Variants in ANKH observed in about 807,000 individuals in gnomAD.
ANKH encodes the protein ANKH inorganic pyrophosphate transport regulator.
ANKH carries 15 observed loss-of-function variants against 49.0 expected under a neutral mutation model. The observed-to-expected ratio is 0.31, with a 90% CI of 0.20 to 0.47. The LOEUF (loss-of-function observed/expected upper bound fraction) is 0.47, where lower values mean the gene tolerates loss of function less well. Ranked by LOEUF, ANKH falls within the 20% of genes least tolerant of loss-of-function variation. The pLI is 1.00. For synonymous variants in ANKH, 273 were observed against 260.0 expected (o/e 1.05, Z -0.48); for missense variants, 429 against 652.0 (o/e 0.66, Z 3.72).
chr5:14,755,046 A>G (rs1738838542), intron 4 of ANKH, among the ~76,000 whole-genome samples: 1 of 146,920 alleles, frequency 6.8e-6, no homozygotes, highest in African/African-American at 2.6e-5. Flanking sequence ...ATTCGACAAG[A>G]GCGAAACTCT....
In ANKH at chr5:14,712,882, G is replaced by A. The variant is rs761349696; in HGVS notation, c.1357C>T (p.Arg453Trp). The change falls in exon 11 of 12, where the codon CGG becomes TGG. Residue 453 changes from arginine to tryptophan, a missense_variant. By Grantham distance (101) the Arg-to-Trp change is moderately radical. This residue lies in a region of ANKH where 378 missense variants were observed against 615.3 expected (regional missense o/e 0.61). Coordinates refer to ENST00000284268, the MANE Select transcript of ANKH (RefSeq NM_054027.6). Reference protein sequence around the residue: ...MVAIAACYVYRKQKKKMENES... With the variant: ...MVAIAACYVYWKQKKKMENES... The stretch of plus-strand genomic sequence containing the variant: ...CGGCGCGGCTGTCTCACCTGCTTCC[G>A]GTAGACATAGCACGCAGCGATGGCG... The A allele has an allele frequency of 2.5e-5, 41 of 1,609,410 alleles. 2 individuals carry two copies. The Middle Eastern group carries it at 3.1e-3, about 123-fold the overall frequency.
chr5:14,858,746 TAAATAAATA>T (rs1460226504), intron 1 of ANKH, among the ~76,000 whole-genome samples: 1 of 102,240 alleles, frequency 9.8e-6, no homozygotes, highest in African/African-American at 3.3e-5. Context: ...AATAAATAAA[TAAATAAATA>T]AATAAAATAA....
At chr5:14,762,112 T>C (rs1232601009) in intron 2 of ANKH, among the ~76,000 whole-genome samples, 1 of 152,106 alleles carries the variant, frequency 6.6e-6, no homozygotes, top group Non-Finnish European at 1.5e-5. Flanking sequence ...AAAGGAGCAC[T>C]CCCCAAGGCC....
rs192452652 is a variant in ANKH, at chr5:14,863,105, G to A, written c.96+8247C>T. ...CGGGCATACTGCACAGCAAGAAGAG[G>A]AAACTGAGTCCTTAGTAACCAGTTA... On this transcript the variant is annotated intron_variant, in intron 1 of 11. Coordinates refer to ENST00000284268, the MANE Select transcript of ANKH (RefSeq NM_054027.6). 1.2e-3 allele frequency among the ~76,000 whole-genome samples: 190 copies of A among 152,234 alleles called. 2 individuals carry two copies. The highest frequency in any genetic ancestry group is 4.4e-3 in the African/African-American group (182 of 41,524).
chr5:14,825,682 C>T (rs971958566), intron 1 of ANKH, among the ~76,000 whole-genome samples: 1 of 152,196 alleles, frequency 6.6e-6, no homozygotes, highest in Non-Finnish European at 1.5e-5. Context: ...TATCTTAGTG[C>T]CTTAGAGGAA....
intron 1 of ANKH, among the ~76,000 whole-genome samples, chr5:14,859,653 G>C (rs1403925690): frequency 6.6e-6 from 1 of 152,192 alleles, no homozygotes; most frequent in Non-Finnish European, 1.5e-5. Context: ...TCAGGAATCA[G>C]AACAGTGGTT....
At chr5:14,716,533 T>C (rs1377259258) in intron 9 of ANKH, among the ~76,000 whole-genome samples, 173 bp downstream of exon 9, 1 of 152,122 alleles carries the variant, frequency 6.6e-6, no homozygotes, top group Non-Finnish European at 1.5e-5. Context: ...AAAGTTATAC[T>C]GTTTGATTCA....
At chr5:14,801,555 T>G (rs1740567516) in intron 1 of ANKH, among the ~76,000 whole-genome samples, 1 of 152,242 alleles carries the variant, frequency 6.6e-6, no homozygotes, top group Non-Finnish European at 1.5e-5. Flanking sequence ...TTTGTCAATG[T>G]ATGCTAAAAA....
At chr5:14,829,047 G>A (rs1580100596) in intron 1 of ANKH, among the ~76,000 whole-genome samples, 1 of 152,202 alleles carries the variant, frequency 6.6e-6, no homozygotes, top group East Asian at 1.9e-4. Context: ...AGCCAGGCGT[G>A]GTGGTGGGCA....
intron 11 of ANKH, among the ~76,000 whole-genome samples, chr5:14,712,416 C>T (rs1737254784): frequency 1.3e-5 from 2 of 152,242 alleles, no homozygotes; most frequent in Admixed American, 6.5e-5. Flanking sequence ...GGCCCTTGCG[C>T]AAGCTCTCGG....
chr5:14,773,353 C>CTTTTTTTTTTT (rs71603741), intron 1 of ANKH, among the ~76,000 whole-genome samples: 2 of 77,016 alleles, frequency 2.6e-5, no homozygotes, highest in Non-Finnish European at 4.7e-5. Context: ...GCAAAGCATT[C>CTTTTTTTTTTT]TTTTTTTTTT....
chr5:14,712,620 A>G (rs1309161024), intron 11 of ANKH, among the ~76,000 whole-genome samples: 5 of 152,188 alleles, frequency 3.3e-5, no homozygotes, highest in African/African-American at 1.2e-4. Context: ...TCTGAAATCC[A>G]TGTCCACACC....
chr5:14,750,948 T>C, intron 5 of ANKH, 121 bp downstream of exon 5: 1 of 1,251,258 alleles, frequency 8.0e-7, no homozygotes, highest in Non-Finnish European at 1.1e-6. Context: ...GGCCTCTGGG[T>C]ATGACATCCT....
intron 2 of ANKH, among the ~76,000 whole-genome samples, chr5:14,763,572 A>C (rs959117738): frequency 6.6e-6 from 1 of 152,252 alleles, no homozygotes. Context: ...TTGAAGAGAT[A>C]CCATAAACCC....
intron 8 of ANKH, among the ~76,000 whole-genome samples, chr5:14,740,986 G>A (rs1328784868): frequency 1.3e-5 from 2 of 152,170 alleles, no homozygotes; most frequent in Admixed American, 1.3e-4. Context: ...AAGGAAAACA[G>A]AACCGAGTTC....
At chr5:14,804,326 C>T (rs1280445788) in intron 1 of ANKH, among the ~76,000 whole-genome samples, 2 of 152,224 alleles carry the variant, frequency 1.3e-5, no homozygotes, top group African/African-American at 2.4e-5. Context: ...CCTCCGTCTT[C>T]GGAGCAGCCC....
chr5:14,721,653 T>C (rs770295645), intron 8 of ANKH, among the ~76,000 whole-genome samples: 40 of 152,144 alleles, frequency 2.6e-4, no homozygotes, highest in Non-Finnish European at 4.9e-4. Context: ...TATGGTGAGC[T>C]GGGCGTGGTG....
intron 1 of ANKH, among the ~76,000 whole-genome samples, chr5:14,821,537 T>A (rs896714995): frequency 6.6e-5 from 10 of 152,260 alleles, no homozygotes; most frequent in African/African-American, 2.2e-4. Flanking sequence ...TTATGGTTTA[T>A]ACTTGCTGTA....
At chr5:14,738,470 C>T (rs567595370) in intron 8 of ANKH, among the ~76,000 whole-genome samples, 2 of 152,214 alleles carry the variant, frequency 1.3e-5, no homozygotes, top group African/African-American at 4.8e-5. Flanking sequence ...TGTGGGAAAG[C>T]GTGCTAACGT....
Sources: allele counts gnomAD v4.1 joint callset (sites outside exome capture counted in the v4.1 genomes callset), GRCh38; gene constraint gnomAD v4.1.1; regional missense constraint gnomAD v4.1.1; transcripts MANE v1.5; gene names NCBI Gene and HGNC (gene_info 2026-07-23, HGNC 2026-07-21).